The following STX2 variants were observed in gnomAD, a reference collection of about 807,000 sequenced individuals.
STX2 encodes syntaxin 2, also known as syntaxin-2.
A neutral mutation model predicts 40.6 loss-of-function variants in STX2; 27 were observed. The ratio of observed to expected loss-of-function variants is 0.66; its 90% CI spans 0.49 to 0.92. STX2 has a LOEUF of 0.92. Among genes scored for constraint, STX2 ranks in the 40% least tolerant of loss-of-function variants. The pLI is 0.00. For missense variants in STX2, 328 were observed against 366.1 expected, an observed-to-expected ratio of 0.90 and a Z score of 0.85; for synonymous variants, 123 against 119.1, an observed-to-expected ratio of 1.03 and a Z score of -0.22.
At chr12:130,808,205 C>T (rs945686600) in intron 5 of STX2, among the ~76,000 whole-genome samples, 1 of 152,124 alleles carries the variant, frequency 6.6e-6, no homozygotes, top group African/African-American at 2.4e-5. Context: ...AGTGCAGAAT[C>T]GACCCCCACT....
chr12:130,807,836 A>G (rs1951498955), intron 5 of STX2, among the ~76,000 whole-genome samples: 2 of 152,320 alleles, frequency 1.3e-5, no homozygotes, highest in Admixed American at 1.3e-4. Flanking sequence ...GGGACAGTTA[A>G]GCTTGGGAAC....
At chr12:130,809,383 G>C (rs779770734) in intron 4 of STX2, among the ~76,000 whole-genome samples, 1 of 152,048 alleles carries the variant, frequency 6.6e-6, no homozygotes, top group Non-Finnish European at 1.5e-5. Flanking sequence ...GCTAGACTCC[G>C]AATATGTTTT....
chr12:130,827,383 A>G, intron 1 of STX2, 116 bp from the exon 2 acceptor site: 2 of 719,462 alleles, frequency 2.8e-6, no homozygotes, highest in South Asian at 3.3e-5. Flanking sequence ...ACAGCACCAA[A>G]TTGTAACAGA....
chr12:130,831,289 CT>C (rs1952546114), intron 1 of STX2, among the ~76,000 whole-genome samples: 1 of 152,184 alleles, frequency 6.6e-6, no homozygotes, highest in Non-Finnish European at 1.5e-5. Flanking sequence ...GGTTTTAGTA[CT>C]TTGTTGCTAG....
intron 1 of STX2, among the ~76,000 whole-genome samples, chr12:130,834,356 CAAAAAAA>C (rs11355842): frequency 1.1e-5 from 1 of 92,812 alleles, no homozygotes; most frequent in African/African-American, 3.9e-5. Context: ...CACTCTGTCT[CAAAAAAA>C]AAAAAAAAAA....
intron 3 of STX2, among the ~76,000 whole-genome samples, chr12:130,821,015 G>A (rs923999204): frequency 7.2e-5 from 11 of 152,082 alleles, no homozygotes; most frequent in Non-Finnish European, 5.9e-5. Context: ...CGCCCCTAAC[G>A]CTGAGTTAAT....
intron 9 of STX2, 131 bp downstream of exon 9, chr12:130,798,394 C>A: frequency 3.7e-6 from 2 of 538,506 alleles, no homozygotes; most frequent in Non-Finnish European, 5.9e-6. Flanking sequence ...AAATTATTTC[C>A]ATTTTAAAAT....
chr12:130,796,109 T>C lies in STX2; in HGVS notation c.798A>G (p.Ile266Met). 6.2e-7 allele frequency: 1 copy of C among 1,614,148 alleles called. No homozygotes were observed. The highest frequency in any genetic ancestry group is 2.2e-5 in the East Asian group (1 of 44,880). Residue 266 changes from isoleucine (I) to methionine (M), a missense_variant, in exon 10 of 11, where the codon ATA becomes ATG. By Grantham distance (10) the Ile-to-Met change is conservative. Coordinates refer to ENST00000392373, the MANE Select transcript of STX2 (RefSeq NM_194356.4). Reference protein sequence around the residue: ...YQSKARRKKWIIIAVSVVLVA... With the variant: ...YQSKARRKKWMIIAVSVVLVA... Reference sequence around the variant, plus strand: ...CCAGAACCACTGACACAGCAATAATTATCCACTTTTTCTGTCAAAGAAAAG... The same window carrying C: ...CCAGAACCACTGACACAGCAATAATCATCCACTTTTTCTGTCAAAGAAAAG...
intron 2 of STX2, among the ~76,000 whole-genome samples, chr12:130,825,040 T>C (rs1952249260): frequency 6.7e-6 from 1 of 148,444 alleles, no homozygotes; most frequent in African/African-American, 2.6e-5. Flanking sequence ...ACTTTTCTGT[T>C]CTTTTTTTTT....
chr12:130,805,124 A>T (rs1047522490), intron 6 of STX2, among the ~76,000 whole-genome samples: 5 of 152,228 alleles, frequency 3.3e-5, no homozygotes, highest in Admixed American at 2.6e-4. Flanking sequence ...TTTAAAAAGT[A>T]CTAACAGATC....
Position 130,796,128 on chromosome 12 carries a change from A to T in STX2, c.787-8T>A, listed in dbSNP as rs1480899783. The T allele has an allele frequency of 6.2e-7, 1 of 1,614,014 alleles. No individual in the cohort carries two copies. The highest frequency in any genetic ancestry group is 2.2e-5 in the East Asian group (1 of 44,888). On this transcript the variant is annotated splice_region_variant and splice_polypyrimidine_tract_variant and intron_variant, in intron 9 of 10. Coordinates refer to ENST00000392373, the MANE Select transcript of STX2 (RefSeq NM_194356.4). ...AATAATTATCCACTTTTTCTGTCAA[A>T]GAAAAGCAAGCTGATTATATCATGC...
At chr12:130,818,799 GGTGCAAGCCAGGCTGA>G (rs1311548561) in intron 3 of STX2, among the ~76,000 whole-genome samples, 10 of 152,156 alleles carry the variant, frequency 6.6e-5, no homozygotes, top group African/African-American at 2.4e-4. Context: ...CCGAACACAG[GGTGCAAGCCAGGCTGA>G]CGGCTGACTG....
intron 1 of STX2, among the ~76,000 whole-genome samples, chr12:130,829,933 C>T (rs1952493143): frequency 6.6e-6 from 1 of 152,214 alleles, no homozygotes; most frequent in Non-Finnish European, 1.5e-5. Context: ...CCTGGAGGTG[C>T]CACATGGCTC....
chr12:130,797,737 C>A (rs1351554153), intron 9 of STX2, among the ~76,000 whole-genome samples: 1 of 152,220 alleles, frequency 6.6e-6, no homozygotes, highest in South Asian at 2.1e-4. Context: ...ATTTTTGCCC[C>A]GTAACAAAAA....
intron 4 of STX2, 189 bp downstream of exon 4, chr12:130,812,766 AAC>A (rs1951708481): frequency 3.9e-6 from 2 of 506,612 alleles, no homozygotes; most frequent in Admixed American, 7.7e-5. Flanking sequence ...GTAACAGTAT[AAC>A]AGTTTATAAG....
rs1398376701 is a variant in STX2 at position 130,790,124 on chromosome 12, A to G, written c.*1899T>C. ...AGTGATACCTTCAACATAGCCACAA[A>G]TCAGTGAGCACATCCCACGACAGGG... On this transcript the variant is annotated 3_prime_UTR_variant, in exon 11 of 11. Transcript: ENST00000392373. 6.6e-6 allele frequency: 1 copy of G among 152,200 alleles called. No homozygotes were observed. The highest frequency in any genetic ancestry group is 1.5e-5 in the Non-Finnish European group (1 of 68,048). 9.4% of individuals were successfully genotyped at this position (152,200 alleles called of 1,614,324 possible).
At chr12:130,800,007 G>C (rs1951165418) in intron 8 of STX2, among the ~76,000 whole-genome samples, 4 of 152,104 alleles carry the variant, frequency 2.6e-5, no homozygotes, top group Admixed American at 2.6e-4. Flanking sequence ...AACCTACTTA[G>C]GGGATGACTC....
chr12:130,838,487 C>CAGCA (rs1952814308), intron 1 of STX2, among the ~76,000 whole-genome samples: 1 of 152,190 alleles, frequency 6.6e-6, no homozygotes, highest in Non-Finnish European at 1.5e-5. Context: ...CAGACACAAG[C>CAGCA]TGCTGTTCGC....
At chr12:130,830,162 C>G (rs3889166) in intron 1 of STX2, among the ~76,000 whole-genome samples, 7,928 of 152,238 alleles carry the variant, frequency 0.052, 621 homozygotes, top group African/African-American at 0.17. Flanking sequence ...CTTCCTACCC[C>G]CCACACCACA....
Sources: gnomAD v4.1 joint callset for allele counts (sites outside exome capture counted in the v4.1 genomes callset) on GRCh38, gnomAD v4.1.1 for gene constraint, MANE v1.5 for transcripts, NCBI Gene and HGNC (gene_info 2026-07-23, HGNC 2026-07-21) for gene names.